ATP8B4: variants seen among roughly 807,000 people sequenced by gnomAD.
The protein encoded by ATP8B4 is probable phospholipid-transporting ATPase IM.
Under a neutral mutation model 145.6 loss-of-function variants are expected in ATP8B4, and 133 were observed. That is an observed-to-expected ratio of 0.91 (90% CI 0.79 to 1.05). The LOEUF is 1.05. ATP8B4 is among the 50% of genes least tolerant of loss of function. The pLI is 0.00. For synonymous variants in ATP8B4, 507 were observed against 492.9 expected (o/e 1.03, Z -0.38); for missense variants, 1,458 against 1,425.2 (o/e 1.02, Z -0.37).
intron 23 of ATP8B4, among the ~76,000 whole-genome samples, chr15:49,893,000 C>T (rs1275497623): frequency 6.6e-6 from 1 of 152,134 alleles, no homozygotes; most frequent in Non-Finnish European, 1.5e-5. Context: ...TTCAAAAAAT[C>T]TTTGGAAAGA....
intron 6 of ATP8B4, among the ~76,000 whole-genome samples, chr15:50,032,573 T>C (rs2050530073): frequency 6.6e-6 from 1 of 152,198 alleles, no homozygotes; most frequent in African/African-American, 2.4e-5. Context: ...CTGGGTCAAA[T>C]GGTATTTCTG....
At chr15:50,165,112 C>T (rs1401307546) in intron 1 of ATP8B4, among the ~76,000 whole-genome samples, 5 of 151,750 alleles carry the variant, frequency 3.3e-5, no homozygotes, top group Non-Finnish European at 5.9e-5. Flanking sequence ...TCCAGCGGAA[C>T]GATCTTGGCT....
chr15:49,991,539 T>C (rs917727688), intron 9 of ATP8B4, among the ~76,000 whole-genome samples: 1 of 152,194 alleles, frequency 6.6e-6, no homozygotes, highest in Non-Finnish European at 1.5e-5. Flanking sequence ...GACTTTAACA[T>C]GAAAATCAAG....
chr15:49,975,270 T>TA (rs1430220161), intron 12 of ATP8B4, among the ~76,000 whole-genome samples: 1 of 152,148 alleles, frequency 6.6e-6, no homozygotes, highest in African/African-American at 2.4e-5. Flanking sequence ...TAGTTTAGTT[T>TA]AGTTTTGCTT....
intron 6 of ATP8B4, among the ~76,000 whole-genome samples, chr15:50,015,698 T>C (rs532548497): frequency 2.0e-5 from 3 of 152,322 alleles, no homozygotes; most frequent in African/African-American, 7.2e-5. Context: ...CCCAGTACCA[T>C]CAGAGCTGCG....
chr15:49,931,386 G>A, intron 15 of ATP8B4, 79 bp from the exon 16 acceptor site: 1 of 1,336,880 alleles, frequency 7.5e-7, no homozygotes, highest in Non-Finnish European at 1.0e-6. Flanking sequence ...CTCCAACTCA[G>A]TATTTAACAC....
chr15:49,955,814 T>G (rs1487661186), intron 14 of ATP8B4, among the ~76,000 whole-genome samples: 1 of 152,164 alleles, frequency 6.6e-6, no homozygotes, highest in Non-Finnish European at 1.5e-5. Context: ...ATCTCTAAAG[T>G]AGTCAAACTC....
intron 2 of ATP8B4, among the ~76,000 whole-genome samples, chr15:50,103,976 G>A (rs1164438893): frequency 6.6e-6 from 1 of 151,880 alleles, no homozygotes; most frequent in Non-Finnish European, 1.5e-5. Flanking sequence ...AATCATCAAT[G>A]GGGGAAAGGA....
At chr15:49,984,712 G>A (rs2046438164) in intron 10 of ATP8B4, among the ~76,000 whole-genome samples, 1 of 151,976 alleles carries the variant, frequency 6.6e-6, no homozygotes, top group African/African-American at 2.4e-5. Context: ...ACCAGAAGCA[G>A]AAGTACAAGG....
In ATP8B4 at chr15:49,866,343, T is replaced by C; in HGVS notation, c.3166+3A>G. The C allele has an allele frequency of 1.9e-6, 3 of 1,613,736 alleles. No individual in the cohort carries two copies. The highest frequency in any genetic ancestry group is 2.5e-6 in the Non-Finnish European group (3 of 1,179,730). On this transcript the variant is annotated splice_donor_region_variant and intron_variant, in intron 26 of 27. Coordinates refer to ENST00000284509, the MANE Select transcript of ATP8B4 (RefSeq NM_024837.4). The stretch of plus-strand genomic sequence containing the variant: ...GTTCCACTAGTCAACATGACTCACT[T>C]ACCAACAAATGGAAACTGGTTTGGG...
At chr15:50,057,695 G>C (rs930150889) in intron 3 of ATP8B4, among the ~76,000 whole-genome samples, 1 of 152,148 alleles carries the variant, frequency 6.6e-6, no homozygotes, top group Non-Finnish European at 1.5e-5. Context: ...TCCCCACAAA[G>C]CAAATCTGCC....
chr15:49,987,530 C>A lies in ATP8B4; in HGVS notation c.609G>T (p.Val203=). ...AGFDGIVVCE[V]PNNKLDKFMG... is the part of the protein sequence containing the mutation. Reference sequence around the variant, plus strand: ...TGAATTTATCTAACTTGTTGTTAGGCACCTCACAGACAACAATCCCTGGAA... The same window carrying A: ...TGAATTTATCTAACTTGTTGTTAGGAACCTCACAGACAACAATCCCTGGAA... Residue 203 remains valine (V), a synonymous_variant, in exon 10 of 28, where the codon GTG becomes GTT. Transcript: ENST00000284509. 1 of 1,613,392 alleles carries A rather than the reference C, an allele frequency of 6.2e-7. No individual in the cohort carries two copies. The highest frequency in any genetic ancestry group is 8.5e-7 in the Non-Finnish European group (1 of 1,179,652).
intron 2 of ATP8B4, among the ~76,000 whole-genome samples, chr15:50,081,746 G>A (rs1272329783): frequency 3.9e-5 from 6 of 152,216 alleles, no homozygotes; most frequent in Non-Finnish European, 5.9e-5. Context: ...CTAGACCCAC[G>A]AGCGATCACA....
intron 3 of ATP8B4, among the ~76,000 whole-genome samples, chr15:50,073,015 T>TAC (rs1471738032): frequency 5.6e-3 from 201 of 35,810 alleles, no homozygotes; most frequent in Non-Finnish European, 8.4e-3. Flanking sequence ...TATATATATA[T>TAC]ATATACACAC....
intron 20 of ATP8B4, chr15:49,901,806 T>C (rs1298216755): frequency 9.4e-6 from 4 of 425,056 alleles, no homozygotes; most frequent in East Asian, 1.4e-4. Flanking sequence ...ATAGCCATTA[T>C]AATAGGATAG....
chr15:50,027,769 C>T (rs1317915852), intron 6 of ATP8B4, among the ~76,000 whole-genome samples: 1 of 152,216 alleles, frequency 6.6e-6, no homozygotes, highest in Non-Finnish European at 1.5e-5. Context: ...AGTAAGTTCT[C>T]ACTTAACGTC....
chr15:49,976,613 A>T (rs2045688418), intron 12 of ATP8B4, among the ~76,000 whole-genome samples: 1 of 152,176 alleles, frequency 6.6e-6, no homozygotes, highest in South Asian at 2.1e-4. Context: ...AAAGTCTAGT[A>T]GCTCCCTGTA....
intron 3 of ATP8B4, among the ~76,000 whole-genome samples, chr15:50,054,839 T>G (rs2052485635): frequency 6.8e-6 from 1 of 146,078 alleles, no homozygotes. Flanking sequence ...ACCTCAGCAC[T>G]TTAAATTCAG....
At chr15:49,912,727 C>T (rs1233490368) in intron 20 of ATP8B4, among the ~76,000 whole-genome samples, 1 of 152,098 alleles carries the variant, frequency 6.6e-6, no homozygotes, top group African/African-American at 2.4e-5. Context: ...AAAAAGAAAA[C>T]TACAGATCAA....
Sources: allele counts gnomAD v4.1 joint callset (sites outside exome capture counted in the v4.1 genomes callset), GRCh38; gene constraint gnomAD v4.1.1; transcripts MANE v1.5; gene names NCBI Gene and HGNC (gene_info 2026-07-23, HGNC 2026-07-21).